Variants in SRD5A2 observed in about 807,000 individuals in gnomAD.
SRD5A2 encodes steroid 5 alpha-reductase 2, also known as 3-oxo-5-alpha-steroid 4-dehydrogenase 2.
In SRD5A2, 30 loss-of-function variants were observed where a neutral mutation model predicts 27.4. That is an observed-to-expected ratio of 1.10 (90% confidence interval 0.82 to 1.49). The LOEUF is 1.49. Among genes scored for constraint, SRD5A2 ranks in the 40% most tolerant of loss-of-function variants. The probability of loss-of-function intolerance (pLI) is 0.00; values close to 1 mark genes in which losing one functional copy is unlikely to be tolerated. For missense variants in SRD5A2, 348 were observed against 323.4 expected, an observed-to-expected ratio of 1.08 and a Z score of -0.58; for synonymous variants, 141 against 133.6, an observed-to-expected ratio of 1.06 and a Z score of -0.38.
chr2:31,602,634 A>G, the SRD5A2 span, among the ~76,000 whole-genome samples: 1 of 152,082 alleles, frequency 6.6e-6, no homozygotes, highest in Non-Finnish European at 1.5e-5. Context: ...AGCTGGCGAT[A>G]TCATGCTACC....
chr2:31,598,839 T>C, the SRD5A2 span, among the ~76,000 whole-genome samples: 5 of 151,886 alleles, frequency 3.3e-5, no homozygotes, highest in African/African-American at 1.2e-4. Flanking sequence ...ACATTGAATA[T>C]AAATTGAGTA....
chr2:31,609,584 G>A, the SRD5A2 span, among the ~76,000 whole-genome samples: 2 of 152,014 alleles, frequency 1.3e-5, no homozygotes, highest in Non-Finnish European at 2.9e-5. Flanking sequence ...AATAAAATAG[G>A]ACCCTTATTT....
At chr2:31,629,100 A>C in the SRD5A2 span, among the ~76,000 whole-genome samples, 1 of 152,142 alleles carries the variant, frequency 6.6e-6, no homozygotes, top group Non-Finnish European at 1.5e-5. Flanking sequence ...ACTGCCCCCA[A>C]TGCCGGTCTA....
At chr2:31,629,025 C>T in the SRD5A2 span, among the ~76,000 whole-genome samples, 96 of 152,092 alleles carry the variant, frequency 6.3e-4, no homozygotes, top group African/African-American at 2.2e-3. Context: ...AGTTTCAAAC[C>T]AAATTAAAAA....
chr2:31,590,385 T>C, the SRD5A2 span, among the ~76,000 whole-genome samples: 5 of 152,250 alleles, frequency 3.3e-5, no homozygotes, highest in South Asian at 1.0e-3. Flanking sequence ...CTTGAAGAGA[T>C]CCTTCACGTC....
intron 1 of SRD5A2, among the ~76,000 whole-genome samples, chr2:31,534,350 C>A (rs28383045): frequency 1.1e-3 from 171 of 152,228 alleles, no homozygotes; most frequent in East Asian, 0.011. Flanking sequence ...TCTATAACAT[C>A]AGACAAGACC....
chr2:31,604,800 A>G, the SRD5A2 span, among the ~76,000 whole-genome samples: 1 of 151,960 alleles, frequency 6.6e-6, no homozygotes, highest in Admixed American at 6.6e-5. Flanking sequence ...GAAATAAAAA[A>G]AAATCCTAAA....
chr2:31,549,238 A>G (rs966415955), intron 1 of SRD5A2, among the ~76,000 whole-genome samples: 2 of 151,540 alleles, frequency 1.3e-5, no homozygotes, highest in African/African-American at 4.8e-5. Flanking sequence ...TCAGCCTCCC[A>G]AGTAGCTGGG....
chr2:31,564,501 T>C (rs978780190), intron 1 of SRD5A2, among the ~76,000 whole-genome samples: 1 of 152,056 alleles, frequency 6.6e-6, no homozygotes, highest in Non-Finnish European at 1.5e-5. Flanking sequence ...AAGAATAGTG[T>C]ATGAAAATCG....
the SRD5A2 span, among the ~76,000 whole-genome samples, chr2:31,637,897 T>C: frequency 6.6e-6 from 1 of 152,142 alleles, no homozygotes; most frequent in Non-Finnish European, 1.5e-5. Context: ...TTTTATTGCA[T>C]TGATCTATAA....
At chr2:31,586,731 C>G in the SRD5A2 span, among the ~76,000 whole-genome samples, 1 of 152,272 alleles carries the variant, frequency 6.6e-6, no homozygotes, top group East Asian at 1.9e-4. Flanking sequence ...GATCAAAATA[C>G]TCCGGTCTTT....
chr2:31,568,835 G>A (rs780938087), intron 1 of SRD5A2, among the ~76,000 whole-genome samples: 79 of 152,352 alleles, frequency 5.2e-4, no homozygotes, highest in Non-Finnish European at 9.1e-4. Context: ...CCAAAGTCTG[G>A]AGGGGGCCAA....
chr2:31,583,115 T>C (rs1667109043), upstream of SRD5A2, among the ~76,000 whole-genome samples: 1 of 152,216 alleles, frequency 6.6e-6, no homozygotes, highest in Admixed American at 6.5e-5. Context: ...TTGACTTATC[T>C]TAACAATATT....
At chr2:31,595,480 T>C in the SRD5A2 span, among the ~76,000 whole-genome samples, 264 of 152,136 alleles carry the variant, frequency 1.7e-3, no homozygotes, top group East Asian at 0.013. Flanking sequence ...TCTGGCAATA[T>C]ACAACCCTCC....
At chr2:31,546,385 C>T (rs955720834) in intron 1 of SRD5A2, among the ~76,000 whole-genome samples, 1 of 152,156 alleles carries the variant, frequency 6.6e-6, no homozygotes, top group African/African-American at 2.4e-5. Context: ...GACATGCAAT[C>T]TACCTAGATG....
rs1415818156 is a variant in SRD5A2 at position 31,529,328 on chromosome 2, A to G, written c.677T>C (p.Leu226Pro). 1.9e-6 allele frequency: 3 copies of G among 1,613,950 alleles called. No individual in the cohort carries two copies. Among genetic ancestry groups the G allele is most frequent in the South Asian group, 2.2e-5 (2 of 91,074 alleles). ...FAFFSLCFLG[L>P]RAFHHHRFYL... ...TTACCTATGGTGGTGAAAAGCTCGC[A>G]GCCCAAGGAAACAAAGTGAGAAAAA... The change falls in exon 4 of 5, where the codon CTG (leucine) becomes CCG (proline). Residue 226 changes from leucine (L) to proline (P), a missense_variant. Leu to Pro is a moderately conservative substitution (Grantham distance 98, BLOSUM62 -3). Coordinates refer to ENST00000622030, the MANE Select transcript of SRD5A2 (RefSeq NM_000348.4).
upstream of SRD5A2, chr2:31,581,036 C>T (rs1295047133): frequency 2.1e-6 from 2 of 957,504 alleles, no homozygotes; most frequent in Non-Finnish European, 3.0e-6. Context: ...CTGCCTCCCA[C>T]CTCGCCGCGT....
At chr2:31,587,128 A>G in the SRD5A2 span, among the ~76,000 whole-genome samples, 4 of 152,152 alleles carry the variant, frequency 2.6e-5, no homozygotes, top group Admixed American at 2.6e-4. Context: ...TGCGGCCAAC[A>G]AACATATGAA....
intron 1 of SRD5A2, among the ~76,000 whole-genome samples, chr2:31,547,175 G>A (rs1666279720): frequency 6.6e-6 from 1 of 152,132 alleles, no homozygotes; most frequent in African/African-American, 2.4e-5. Flanking sequence ...ACAATACAGA[G>A]TCCAGAAATA....
Sources: gnomAD v4.1 joint callset for allele counts (sites outside exome capture counted in the v4.1 genomes callset) on GRCh38, gnomAD v4.1.1 for gene constraint, MANE v1.5 for transcripts, NCBI Gene and HGNC (gene_info 2026-07-23, HGNC 2026-07-21) for gene names.